FRMPD3: variants seen among roughly 807,000 people sequenced by gnomAD.
The protein encoded by FRMPD3 is FERM and PDZ domain containing 3, also known as FERM and PDZ domain-containing protein 3.
In FRMPD3, 42 loss-of-function variants were observed where a neutral mutation model predicts 97.9. The observed-to-expected ratio is 0.43, with a 90% CI of 0.34 to 0.55. The LOEUF (loss-of-function observed/expected upper bound fraction) is 0.55, where lower values mean the gene tolerates loss of function less well. FRMPD3 is among the 20% of genes least tolerant of loss of function. The probability of loss-of-function intolerance (pLI) is 0.03; values close to 1 mark genes in which losing one functional copy is unlikely to be tolerated. For synonymous variants in FRMPD3, 577 were observed against 581.1 expected (o/e 0.99, Z 0.10); for missense variants, 1,303 against 1,457.7 (o/e 0.89, Z 1.73).
At chrX:107,474,233 G>A (rs1039988081) in intron 1 of FRMPD3, among the ~76,000 whole-genome samples, 1 of 112,093 alleles carries the variant, frequency 8.9e-6, no homozygotes, top group African/African-American at 3.2e-5. Flanking sequence ...TGGCCGTGCA[G>A]CTTAGGGCAG....
chrX:107,590,113 C>A (rs943252341), intron 13 of FRMPD3, among the ~76,000 whole-genome samples: 2 of 112,491 alleles, frequency 1.8e-5, no homozygotes, highest in Non-Finnish European at 3.8e-5. Context: ...CGAGATCATG[C>A]CACTGCACTC....
At chrX:107,585,375 A>T (rs762642251) in intron 13 of FRMPD3, among the ~76,000 whole-genome samples, 2 of 111,742 alleles carry the variant, frequency 1.8e-5, no homozygotes, top group Admixed American at 9.6e-5. Context: ...ATATACAATC[A>T]TGTCATCTGC....
In FRMPD3 at chrX:107,602,735, C is replaced by T. The variant is rs1386662974; in HGVS notation, c.4696C>T (p.Arg1566Cys). 2.3e-5 allele frequency: 28 copies of T among 1,208,314 alleles called. No homozygotes were observed. Among genetic ancestry groups the T allele is most frequent in the Middle Eastern group, 2.3e-4 (1 of 4,343 alleles). ...CTCCCGCACTCAGGAGATTGACCTC[C>T]GTGTGTCCACCTTCGAGGGGAGCCT... ...EASRTQEIDL[R>C]VSTFEGSLAK... is the part of the protein sequence containing the mutation. Residue 1566 changes from arginine to cysteine, a missense_variant, in exon 15 of 15, where the codon CGT becomes TGT. Arg to Cys is a radical substitution (Grantham distance 180). This residue lies in a region of FRMPD3 where 764 missense variants were observed against 820.2 expected (regional missense o/e 0.93). Transcript: ENST00000683843.
intron 11 of FRMPD3, among the ~76,000 whole-genome samples, chrX:107,564,230 C>T (rs1922503654): frequency 8.9e-6 from 1 of 112,215 alleles, no homozygotes; most frequent in Non-Finnish European, 1.9e-5. Flanking sequence ...CTGTCCCCTC[C>T]CACCTCCTTC....
intron 8 of FRMPD3, among the ~76,000 whole-genome samples, chrX:107,556,796 T>C (rs1382869895): frequency 1.8e-5 from 2 of 112,487 alleles, no homozygotes; most frequent in Admixed American, 9.4e-5. Flanking sequence ...GTGTATCAAT[T>C]ATTTCATTCA....
chrX:107,493,122 G>C (rs1921696889), intron 1 of FRMPD3, among the ~76,000 whole-genome samples: 1 of 90,478 alleles, frequency 1.1e-5, no homozygotes, highest in Non-Finnish European at 2.1e-5. Context: ...TAAGGCTATA[G>C]AGAGCTGTGA....
chrX:107,491,073 C>T (rs146242339), intron 1 of FRMPD3, among the ~76,000 whole-genome samples: 623 of 111,632 alleles, frequency 5.6e-3, no homozygotes, highest in Non-Finnish European at 0.01. Context: ...GTAGTAGAGT[C>T]AGGATTGAAA....
intron 4 of FRMPD3, among the ~76,000 whole-genome samples, chrX:107,544,140 A>C (rs1047665876): frequency 9.0e-6 from 1 of 111,483 alleles, no homozygotes; most frequent in Non-Finnish European, 1.9e-5. Context: ...TAAGCCAGAC[A>C]CAGAAAGACA....
chrX:107,564,148 T>G (rs1569423488), intron 11 of FRMPD3, among the ~76,000 whole-genome samples: 2 of 111,745 alleles, frequency 1.8e-5, no homozygotes, highest in East Asian at 5.7e-4. Context: ...CAAGACCTCT[T>G]AAGGGAATCC....
intron 1 of FRMPD3, among the ~76,000 whole-genome samples, chrX:107,494,022 C>G (rs1921722633): frequency 9.0e-6 from 1 of 110,736 alleles, no homozygotes; most frequent in Admixed American, 9.6e-5. Context: ...CCAGGATCAT[C>G]CGTTCAGAGT....
At chrX:107,566,325 C>G (rs1340316812) in intron 12 of FRMPD3, among the ~76,000 whole-genome samples, 1 of 112,896 alleles carries the variant, frequency 8.9e-6, no homozygotes, top group Non-Finnish European at 1.9e-5. Context: ...TTATTTTTGT[C>G]TTTGTGAAAC....
chrX:107,484,422 A>G (rs1371943877), intron 1 of FRMPD3, among the ~76,000 whole-genome samples: 1 of 112,759 alleles, frequency 8.9e-6, no homozygotes, highest in Non-Finnish European at 1.9e-5. Flanking sequence ...TTGAATTAAG[A>G]AGAATGTGAA....
chrX:107,554,818 G>T (rs906416235), intron 8 of FRMPD3: 4 of 244,258 alleles, frequency 1.6e-5, no homozygotes, highest in Non-Finnish European at 3.0e-5. Flanking sequence ...GTTTCAACGG[G>T]TCCCAACCCC....
Position 107,537,714 on chromosome X carries a change from A to C in FRMPD3, c.297+4164A>C, listed in dbSNP as rs781697439. 1.4e-4 allele frequency among the ~76,000 whole-genome samples: 16 copies of C among 111,570 alleles called. No individual in the cohort carries two copies. In the South Asian group the frequency reaches 5.3e-3, roughly 37 times the overall value. ...GTGAAAGAATCTCTCTGTATTTTAC[A>C]ACTGGTATGGCCATCCCAGTGCATG... On this transcript the variant is annotated intron_variant, in intron 4 of 14. Coordinates refer to ENST00000683843, the MANE Select transcript of FRMPD3 (RefSeq NM_001388459.1).
At chrX:107,538,824 A>G (rs917360598) in intron 4 of FRMPD3, among the ~76,000 whole-genome samples, 2 of 111,983 alleles carry the variant, frequency 1.8e-5, no homozygotes, top group African/African-American at 3.2e-5. Flanking sequence ...TACACCGGCT[A>G]ATTTTTGCAT....
chrX:107,521,121 T>C (rs1922493727), intron 1 of FRMPD3, among the ~76,000 whole-genome samples: 1 of 112,414 alleles, frequency 8.9e-6, no homozygotes, highest in East Asian at 2.8e-4. Context: ...ATCTGTCTTA[T>C]TTCATGTCAG....
At chrX:107,534,432 G>A (rs1923127360) in intron 4 of FRMPD3, among the ~76,000 whole-genome samples, 1 of 110,677 alleles carries the variant, frequency 9.0e-6, no homozygotes, top group Admixed American at 9.6e-5. Context: ...CATCTGTTGG[G>A]GGTGAGGGAC....
chrX:107,512,385 G>A (rs5962842), intron 1 of FRMPD3, among the ~76,000 whole-genome samples: 13,317 of 111,378 alleles, frequency 0.12, 1,721 homozygotes, highest in African/African-American at 0.39. Context: ...GAAGAACTGG[G>A]GAGCACCTCC....
At position 107,533,533 on chromosome X, in the gene FRMPD3, G is replaced by A. The variant is rs1482733018; in HGVS notation, c.280G>A (p.Val94Ile). Residue 94 changes from valine to isoleucine, a missense_variant, in exon 4 of 15, where the codon GTT becomes ATT. Physicochemically the swap from Val to Ile is conservative, Grantham distance 29 (BLOSUM62 3). Around this residue, in one of 3 missense-constraint regions of FRMPD3, gnomAD observed 535 missense variants for 618.6 expected, o/e 0.86. Transcript: ENST00000683843. ...CGCTAAGGAATTCATCGTTCTTACA[G>A]TTCTGCACACTCATCAGGTGAGTGA... ...RSAKEFIVLTVLHTHQSPKSA... is the reference protein window; with the variant it reads ...RSAKEFIVLTILHTHQSPKSA... 1.7e-6 allele frequency: 2 copies of A among 1,208,148 alleles called. No homozygotes were observed. The highest frequency in any genetic ancestry group is 2.2e-5 in the Admixed American group (1 of 45,925).
Sources: allele counts gnomAD v4.1 joint callset (sites outside exome capture counted in the v4.1 genomes callset), GRCh38; gene constraint gnomAD v4.1.1; regional missense constraint gnomAD v4.1.1; transcripts MANE v1.5; gene names NCBI Gene and HGNC (gene_info 2026-07-23, HGNC 2026-07-21).